Variants in PHF20 observed in about 807,000 individuals in gnomAD.
PHF20 encodes PHD finger protein 20, also known as glioma-expressed antigen 2.
PHF20 carries 23 observed loss-of-function variants against 113.5 expected under a neutral mutation model. The observed-to-expected ratio is 0.20, with a 90% confidence interval of 0.15 to 0.29. The LOEUF is 0.29. PHF20 is among the 10% of genes least tolerant of loss of function. The probability of loss-of-function intolerance (pLI) is 1.00; values close to 1 mark genes in which losing one functional copy is unlikely to be tolerated. For missense variants in PHF20, 943 were observed against 1,219.6 expected (o/e 0.77, Z 3.38); for synonymous variants, 434 against 457.3 (o/e 0.95, Z 0.65).
At chr20:35,915,613 CT>C (rs2055390162) in intron 12 of PHF20, among the ~76,000 whole-genome samples, 1 of 151,990 alleles carries the variant, frequency 6.6e-6, no homozygotes, top group Non-Finnish European at 1.5e-5. Context: ...TCTTGAACTC[CT>C]GACCTTGTGA....
At chr20:35,938,533 A>C in intron 15 of PHF20, 164 bp from the exon 16 acceptor site, 1 of 683,004 alleles carries the variant, frequency 1.5e-6, no homozygotes, top group Non-Finnish European at 2.5e-6. Context: ...GTGGTCTCCT[A>C]GGAGACCACG....
chr20:35,847,957 A>G (rs1457532901), intron 4 of PHF20, among the ~76,000 whole-genome samples: 1 of 152,170 alleles, frequency 6.6e-6, no homozygotes, highest in Non-Finnish European at 1.5e-5. Context: ...CTTGACTAAT[A>G]GAGGCTCAAT....
intron 1 of PHF20, among the ~76,000 whole-genome samples, chr20:35,787,155 CTAAT>C (rs546651316): frequency 0.011 from 1,166 of 105,722 alleles, 14 homozygotes; most frequent in African/African-American, 0.038. Flanking sequence ...CTGTGCCTGG[CTAAT>C]TATTTATTTA....
chr20:35,947,799 G>A lies in PHF20; in HGVS notation c.*172G>A. ...GACAAAGAGGCCATTTTGGCTGCGG[G>A]AGGACACTCTGATCTCGAAGCCTGC... On this transcript the variant is annotated 3_prime_UTR_variant, in exon 18 of 18. Transcript: ENST00000374012. 1 of 627,538 alleles carries A rather than the reference G, an allele frequency of 1.6e-6. No homozygotes were observed. Among genetic ancestry groups the A allele is most frequent in the Non-Finnish European group, 2.7e-6 (1 of 366,912 alleles). The allele number at this position is 627,538 out of a possible 1,614,324, so 38.9% of individuals were successfully genotyped here. A position where few individuals can be genotyped will look rare whatever the true frequency, so the allele number is the denominator to read the frequency against.
At chr20:35,821,127 A>G (rs2042160935) in intron 2 of PHF20, among the ~76,000 whole-genome samples, 1 of 152,016 alleles carries the variant, frequency 6.6e-6, no homozygotes, top group Non-Finnish European at 1.5e-5. Context: ...TTAAACAGGG[A>G]ATCAATGTTA....
At position 35,928,646 on chromosome 20, in the gene PHF20, G is replaced by A. The variant is rs562544196; in HGVS notation, c.2104+767G>A. Reference sequence around the variant, plus strand: ...TGCTAATCTTCTCTGTATTGTTCCTGTTTTAGTGTATGTGCTGCCGAAGTG... The same window carrying A: ...TGCTAATCTTCTCTGTATTGTTCCTATTTTAGTGTATGTGCTGCCGAAGTG... On this transcript the variant is annotated intron_variant, in intron 14 of 17. Transcript: ENST00000374012. The A allele has an allele frequency of 2.0e-5, 3 of 152,282 alleles. No homozygotes were observed. The East Asian group carries it at 5.8e-4, about 29-fold the overall frequency. 9.4% of individuals were successfully genotyped at this position (152,282 alleles called of 1,614,324 possible).
intron 5 of PHF20, 141 bp downstream of exon 5, chr20:35,858,522 C>T (rs2042879040): frequency 1.8e-6 from 1 of 545,318 alleles, no homozygotes. Flanking sequence ...GAAAATAATA[C>T]ACAAGTTTTC....
rs562932469 is a variant in PHF20, at chr20:35,790,403, G to C, written c.-32-11088G>C. Among the ~76,000 whole-genome samples, 25 of 151,224 alleles carry C rather than the reference G, an allele frequency of 1.7e-4. No homozygotes were observed. The East Asian group carries it at 4.7e-3, about 29-fold the overall frequency. ...TTTAGTAGAGGCGGGATTTCACCAT[G>C]TTGACAAGGCTGGTCTCAAACTCCT... On this transcript the variant is annotated intron_variant, in intron 1 of 17. Transcript: ENST00000374012.
rs2055803984 is a variant in PHF20, at chr20:35,933,500, C to T, written c.2300+2056C>T. On this transcript the variant is annotated intron_variant, in intron 15 of 17. Transcript: ENST00000374012. Reference sequence around the variant, plus strand: ...CAAGCTCTGCCTCCTGGGTTCACGCCATTCTCCTGCCTCAGCCTCCCGAGT... The same window carrying T: ...CAAGCTCTGCCTCCTGGGTTCACGCTATTCTCCTGCCTCAGCCTCCCGAGT... Among the ~76,000 whole-genome samples, 3 of 151,940 alleles carry T rather than the reference C, an allele frequency of 2.0e-5. No homozygotes were observed. The South Asian group carries it at 6.2e-4, about 32-fold the overall frequency.
At chr20:35,782,944 A>G (rs1229371760) in intron 1 of PHF20, among the ~76,000 whole-genome samples, 1 of 152,228 alleles carries the variant, frequency 6.6e-6, no homozygotes, top group East Asian at 1.9e-4. Context: ...CTGTAATCCC[A>G]GCACTCTGGG....
intron 9 of PHF20, among the ~76,000 whole-genome samples, chr20:35,884,907 T>A (rs1180796902): frequency 2.0e-5 from 3 of 152,192 alleles, no homozygotes; most frequent in Non-Finnish European, 2.9e-5. Context: ...CTTGGCTCAC[T>A]GCAACCTCCA....
In PHF20 at chr20:35,808,989, A is replaced by G. The variant is rs2041931809; in HGVS notation, c.83+7384A>G. Among the ~76,000 whole-genome samples, 5 of 151,934 alleles carry G rather than the reference A, an allele frequency of 3.3e-5. No individual in the cohort carries two copies. The South Asian group carries it at 1.0e-3, about 32-fold the overall frequency. On this transcript the variant is annotated intron_variant, in intron 2 of 17. Transcript: ENST00000374012. ...AACATTTGGCCAGATGCAGTGGCTC[A>G]TGCCCGTAATCCCAGCACTTTGGGA...
intron 1 of PHF20, among the ~76,000 whole-genome samples, chr20:35,780,720 A>C (rs1305784100): frequency 7.0e-6 from 1 of 142,712 alleles, no homozygotes; most frequent in Non-Finnish European, 1.5e-5. Context: ...CTAATCTTTT[A>C]TATTTTTAGT....
intron 4 of PHF20, among the ~76,000 whole-genome samples, chr20:35,856,150 A>G (rs948080824): frequency 6.6e-6 from 1 of 151,786 alleles, no homozygotes; most frequent in African/African-American, 2.4e-5. Flanking sequence ...TCTACTCTCT[A>G]TCTCCGTAAG....
At chr20:35,921,332 T>G (rs1396470550) in intron 13 of PHF20, among the ~76,000 whole-genome samples, 3 of 152,140 alleles carry the variant, frequency 2.0e-5, no homozygotes, top group Non-Finnish European at 4.4e-5. Context: ...GCATCTTTTT[T>G]TTTTTAATTG....
chr20:35,786,500 G>A (rs112535404), intron 1 of PHF20, among the ~76,000 whole-genome samples: 7,283 of 152,188 alleles, frequency 0.048, 216 homozygotes, highest in African/African-American at 0.089. Flanking sequence ...CCAGGAGATC[G>A]AGACTATGCT....
chr20:35,784,662 C>T (rs554741798), intron 1 of PHF20, among the ~76,000 whole-genome samples: 2 of 152,110 alleles, frequency 1.3e-5, no homozygotes, highest in South Asian at 4.1e-4. Context: ...GTCTTGAACT[C>T]CTGACCTCAG....
chr20:35,851,917 C>CA (rs777146225), intron 4 of PHF20, among the ~76,000 whole-genome samples: 175 of 120,906 alleles, frequency 1.4e-3, no homozygotes, highest in East Asian at 1.4e-3. Flanking sequence ...ACTCCGTCTC[C>CA]AAAAAAAAAA....
intron 2 of PHF20, among the ~76,000 whole-genome samples, chr20:35,834,261 T>TC (rs2042402147): frequency 6.8e-6 from 1 of 147,794 alleles, no homozygotes; most frequent in African/African-American, 2.5e-5. Flanking sequence ...TTTTTTTTTT[T>TC]TTTTTTTTGA....
Sources: allele counts gnomAD v4.1 joint callset (sites outside exome capture counted in the v4.1 genomes callset), GRCh38; gene constraint gnomAD v4.1.1; transcripts MANE v1.5; gene names NCBI Gene and HGNC (gene_info 2026-07-23, HGNC 2026-07-21).